Variants in ANGPT1 observed in about 807,000 individuals in gnomAD.
ANGPT1 encodes the protein angiopoietin-1.
ANGPT1 carries 17 observed loss-of-function variants against 62.2 expected under a neutral mutation model. The observed-to-expected ratio is 0.27, with a 90% CI of 0.19 to 0.41. The LOEUF (loss-of-function observed/expected upper bound fraction) is 0.41, where lower values mean the gene tolerates loss of function less well. Ranked by LOEUF, ANGPT1 falls within the 10% of genes least tolerant of loss-of-function variation. ANGPT1 has a pLI of 1.00. For missense variants in ANGPT1, 478 were observed against 594.9 expected, an observed-to-expected ratio of 0.80 and a Z score of 2.04; for synonymous variants, 199 against 198.9, an observed-to-expected ratio of 1.00 and a Z score of 0.00.
At chr8:107,385,750 C>T (rs998446852) in intron 1 of ANGPT1, among the ~76,000 whole-genome samples, 3 of 151,990 alleles carry the variant, frequency 2.0e-5, no homozygotes, top group Non-Finnish European at 2.9e-5. Flanking sequence ...CTGTTCAGTA[C>T]GATGTTGCTG....
At position 107,397,417 on chromosome 8, in the gene ANGPT1, A is replaced by T. The variant is rs74855769; in HGVS notation, c.298-50320T>A. On this transcript the variant is annotated intron_variant, in intron 1 of 8. Coordinates refer to ENST00000517746, the MANE Select transcript of ANGPT1 (RefSeq NM_001146.5). Reference sequence around the variant, plus strand: ...CCTTTTCTTAGGGTAACATGAGGGGATTTTTTCCCCTCAAAAATGTTGCTT... The same window carrying T: ...CCTTTTCTTAGGGTAACATGAGGGGTTTTTTTCCCCTCAAAAATGTTGCTT... 5.9e-3 allele frequency among the ~76,000 whole-genome samples: 876 copies of T among 148,006 alleles called. 7 individuals carry two copies. The highest frequency in any genetic ancestry group is 9.3e-3 in the South Asian group (42 of 4,530).
chr8:107,295,927 G>A (rs186441866), intron 5 of ANGPT1, among the ~76,000 whole-genome samples: 1 of 152,046 alleles, frequency 6.6e-6, no homozygotes, highest in Non-Finnish European at 1.5e-5. Context: ...TAGGATGTAG[G>A]TATGATGATC....
chr8:107,482,457 C>T (rs1436942988), intron 1 of ANGPT1, among the ~76,000 whole-genome samples: 1 of 152,182 alleles, frequency 6.6e-6, no homozygotes, highest in Non-Finnish European at 1.5e-5. Context: ...CATGCCTTCT[C>T]CATGTGGCTT....
chr8:107,287,168 T>G (rs1049788965), intron 6 of ANGPT1, among the ~76,000 whole-genome samples: 15 of 152,140 alleles, frequency 9.9e-5, no homozygotes, highest in Admixed American at 3.9e-4. Context: ...TGATGAAGTG[T>G]TAAGTTTTGG....
rs1015097946 is a variant in ANGPT1 at position 107,249,914 on chromosome 8, TAGA to T, written c.*1938_*1940del. On this transcript the variant is annotated 3_prime_UTR_variant, in exon 9 of 9. Transcript: ENST00000517746. ...TAAATGAAAACAGTTGAGAAGTTTT[TAGA>T]AGGAGAGGCTTACCTGCTATGAAGA... 2.6e-5 allele frequency: 4 copies of T among 152,528 alleles called. No homozygotes were observed. Among genetic ancestry groups the T allele is most frequent in the East Asian group, 3.8e-4 (2 of 5,196 alleles). 9.4% of individuals were successfully genotyped at this position (152,528 alleles called of 1,614,324 possible).
At chr8:107,381,092 G>A (rs1180650946) in intron 1 of ANGPT1, among the ~76,000 whole-genome samples, 1 of 152,106 alleles carries the variant, frequency 6.6e-6, no homozygotes, top group Non-Finnish European at 1.5e-5. Context: ...TCTCCTAGTG[G>A]GCAGCTCTTT....
intron 2 of ANGPT1, among the ~76,000 whole-genome samples, chr8:107,336,679 A>C (rs1487390995): frequency 6.6e-6 from 1 of 151,644 alleles, no homozygotes; most frequent in African/African-American, 2.4e-5. Flanking sequence ...AAAAAAAAAA[A>C]AAAAAAAAAG....
At position 107,460,895 on chromosome 8, in the gene ANGPT1, C is replaced by A. The variant is rs79779337; in HGVS notation, c.297+36367G>T. Among the ~76,000 whole-genome samples, 19 of 152,098 alleles carry A rather than the reference C, an allele frequency of 1.2e-4. No homozygotes were observed. The East Asian group carries it at 3.5e-3, about 28-fold the overall frequency. On this transcript the variant is annotated intron_variant, in intron 1 of 8. Transcript: ENST00000517746. Reference sequence around the variant, plus strand: ...TTAATTAAACTAAGCAATTTATCTTCGACCTTTTGTTAGATTTGGGGAGTA... The same window carrying A: ...TTAATTAAACTAAGCAATTTATCTTAGACCTTTTGTTAGATTTGGGGAGTA...
intron 3 of ANGPT1, among the ~76,000 whole-genome samples, chr8:107,328,872 T>C (rs1400763284): frequency 6.6e-6 from 1 of 151,890 alleles, no homozygotes; most frequent in Non-Finnish European, 1.5e-5. Flanking sequence ...ATTTAAATTA[T>C]CACATCACTA....
At chr8:107,422,691 G>T (rs1238383908) in intron 1 of ANGPT1, among the ~76,000 whole-genome samples, 1 of 152,012 alleles carries the variant, frequency 6.6e-6, no homozygotes, top group Non-Finnish European at 1.5e-5. Flanking sequence ...ACACAAAAAG[G>T]CCTGAACTAA....
At chr8:107,352,258 A>G (rs754859207) in intron 1 of ANGPT1, among the ~76,000 whole-genome samples, 10 of 152,226 alleles carry the variant, frequency 6.6e-5, no homozygotes, top group Admixed American at 1.3e-4. Context: ...ATACATTTGC[A>G]TATTGATTGA....
chr8:107,441,763 CT>C (rs1181080906), intron 1 of ANGPT1, among the ~76,000 whole-genome samples: 1 of 152,046 alleles, frequency 6.6e-6, no homozygotes, highest in African/African-American at 2.4e-5. Flanking sequence ...ACCCACACCC[CT>C]AATAGAAGTC....
At chr8:107,318,277 A>G (rs1473257440) in intron 4 of ANGPT1, among the ~76,000 whole-genome samples, 2 of 152,232 alleles carry the variant, frequency 1.3e-5, no homozygotes, top group Non-Finnish European at 2.9e-5. Context: ...TATTAGGAAT[A>G]AGAAGAGGAA....
intron 1 of ANGPT1, among the ~76,000 whole-genome samples, chr8:107,404,744 A>G (rs1207357685): frequency 1.3e-5 from 2 of 152,070 alleles, no homozygotes; most frequent in Admixed American, 6.6e-5. Context: ...AGGTGTGTTC[A>G]TTTAAAATTT....
intron 1 of ANGPT1, among the ~76,000 whole-genome samples, chr8:107,492,940 AC>A (rs1204059571): frequency 6.6e-6 from 1 of 150,466 alleles, no homozygotes; most frequent in African/African-American, 2.5e-5. Context: ...AACAAGAAAT[AC>A]TAAGTTCTTG....
At position 107,289,539 on chromosome 8, in the gene ANGPT1, T is replaced by C. The variant is rs372334140; in HGVS notation, c.1038+4397A>G. 1.4e-4 allele frequency among the ~76,000 whole-genome samples: 22 copies of C among 152,260 alleles called. No homozygotes were observed. The East Asian group carries it at 2.7e-3, about 19-fold the overall frequency. ...CTTTCAGGGCACTTTCATATGCAGT[T>C]AAATTGTGCATCTCCTCTAAATGCT... On this transcript the variant is annotated intron_variant, in intron 6 of 8. Transcript: ENST00000517746.
At chr8:107,455,368 G>T (rs995892241) in intron 1 of ANGPT1, among the ~76,000 whole-genome samples, 2 of 152,024 alleles carry the variant, frequency 1.3e-5, no homozygotes, top group African/African-American at 4.8e-5. Context: ...AAACTATTAA[G>T]TGACTTAAAC....
At chr8:107,430,567 G>A (rs1348330569) in intron 1 of ANGPT1, among the ~76,000 whole-genome samples, 3 of 152,126 alleles carry the variant, frequency 2.0e-5, no homozygotes, top group African/African-American at 7.2e-5. Context: ...TACCTTACAT[G>A]GTAAAAGGAA....
intron 1 of ANGPT1, among the ~76,000 whole-genome samples, chr8:107,450,281 C>G (rs560095679): frequency 1.3e-4 from 20 of 152,062 alleles, no homozygotes; most frequent in Non-Finnish European, 2.4e-4. Flanking sequence ...ATCTCTACAG[C>G]TAGTTACACA....
Sources: gnomAD v4.1 joint callset for allele counts (sites outside exome capture counted in the v4.1 genomes callset) on GRCh38, gnomAD v4.1.1 for gene constraint, MANE v1.5 for transcripts, NCBI Gene and HGNC (gene_info 2026-07-23, HGNC 2026-07-21) for gene names.